Variants in ADGRB3 observed in about 807,000 individuals in gnomAD.
ADGRB3 encodes brain-specific angiogenesis inhibitor 3.
In ADGRB3, 37 loss-of-function variants were observed where a neutral mutation model predicts 193.4. The observed-to-expected ratio is 0.19, with a 90% CI of 0.15 to 0.25. The LOEUF (loss-of-function observed/expected upper bound fraction) is 0.25. Among genes scored for constraint, ADGRB3 ranks in the 10% least tolerant of loss-of-function variants. The pLI, the probability that ADGRB3 is intolerant of heterozygous loss-of-function variation, is 1.00. For missense variants in ADGRB3, 1,637 were observed against 1,852.9 expected, an observed-to-expected ratio of 0.88 and a Z score of 2.14; for synonymous variants, 690 against 644.2, an observed-to-expected ratio of 1.07 and a Z score of -1.08.
Position 68,815,638 on chromosome 6 carries a change from T to TGTGTGTGTGTGG in ADGRB3, c.758-114918_758-114917insTGTGTGTGGGTG, listed in dbSNP as rs146536913. Among the ~76,000 whole-genome samples the TGTGTGTGTGTGG allele has an allele frequency of 1.0e-3, 152 of 149,518 alleles. 1 individual carries two copies. The South Asian group carries it at 0.011, about 11-fold the overall frequency. Reference sequence around the variant, plus strand: ...GTGTGTGTGTGTGTGTGTGTGTGTGTGTGCATGTAGATCTCATTTGATGTA... The same window carrying TGTGTGTGTGTGG: ...GTGTGTGTGTGTGTGTGTGTGTGTGTGTGTGTGTGTGGGTGCATGTAGATCTCATTTGATGTA... On this transcript the variant is annotated intron_variant, in intron 3 of 31. Coordinates refer to ENST00000370598, the MANE Select transcript of ADGRB3 (RefSeq NM_001704.3).
intron 15 of ADGRB3, among the ~76,000 whole-genome samples, chr6:69,060,706 C>T (rs533919028): frequency 2.0e-5 from 3 of 152,024 alleles, no homozygotes; most frequent in South Asian, 4.1e-4. Flanking sequence ...TTTTGCAAAA[C>T]CAAACCAGAA....
intron 3 of ADGRB3, among the ~76,000 whole-genome samples, chr6:68,641,477 T>A (rs1439147724): frequency 2.0e-5 from 3 of 152,160 alleles, no homozygotes; most frequent in Non-Finnish European, 2.9e-5. Flanking sequence ...GAAAAAGAAA[T>A]ACCTTCACTG....
rs768667380 is a variant in ADGRB3 at position 68,993,828 on chromosome 6, A to T, written c.1795A>T (p.Thr599Ser). The T allele has an allele frequency of 6.8e-6, 11 of 1,613,914 alleles. No homozygotes were observed. The highest frequency in any genetic ancestry group is 3.3e-5 in the Admixed American group (2 of 60,008). The change falls in exon 11 of 32, where the codon ACC (threonine) becomes TCC (serine). Residue 599 changes from threonine (T) to serine (S), a missense_variant. Coordinates refer to ENST00000370598, the MANE Select transcript of ADGRB3 (RefSeq NM_001704.3). ...MLAGDGMSQVTKTLLDLTQRK... is the reference protein window; with the variant it reads ...MLAGDGMSQVSKTLLDLTQRK... ...GGCAGGTGATGGAATGTCCCAGGTG[A>T]CCAAGACACTGTTGGATTTAACTCA...
intron 3 of ADGRB3, among the ~76,000 whole-genome samples, chr6:68,739,415 A>C (rs1765934781): frequency 6.6e-6 from 1 of 152,192 alleles, no homozygotes; most frequent in Non-Finnish European, 1.5e-5. Flanking sequence ...AAAAATGATT[A>C]CATAGGAAAC....
chr6:69,171,099 G>T (rs1775260072), intron 17 of ADGRB3, among the ~76,000 whole-genome samples: 1 of 151,628 alleles, frequency 6.6e-6, no homozygotes, highest in South Asian at 2.1e-4. Context: ...ATTTTCACAT[G>T]TAATCAGTGT....
At chr6:69,108,159 CT>C (rs1773265600) in intron 17 of ADGRB3, among the ~76,000 whole-genome samples, 1 of 151,580 alleles carries the variant, frequency 6.6e-6, no homozygotes, top group African/African-American at 2.4e-5. Flanking sequence ...CAGTCTTTTT[CT>C]TTTAGGAGAG....
intron 13 of ADGRB3, among the ~76,000 whole-genome samples, chr6:69,029,947 CAT>C (rs145059462): frequency 4.9e-4 from 70 of 143,772 alleles, no homozygotes; most frequent in Admixed American, 7.8e-4. Context: ...AGCCAACAAA[CAT>C]ATATATATAT....
chr6:69,104,854 A>G (rs146298265), intron 17 of ADGRB3, among the ~76,000 whole-genome samples: 139 of 152,304 alleles, frequency 9.1e-4, no homozygotes, highest in African/African-American at 3.2e-3. Flanking sequence ...ACATATGTGT[A>G]TTATGTTTTA....
chr6:69,087,521 A>C (rs1772585073), intron 17 of ADGRB3, among the ~76,000 whole-genome samples: 2 of 152,154 alleles, frequency 1.3e-5, no homozygotes, highest in Non-Finnish European at 2.9e-5. Context: ...CACTTCTGAC[A>C]TATCAAGAAA....
intron 20 of ADGRB3, among the ~76,000 whole-genome samples, chr6:69,298,282 T>C (rs1767872792): frequency 6.6e-6 from 1 of 152,010 alleles, no homozygotes; most frequent in Non-Finnish European, 1.5e-5. Flanking sequence ...TGCTAACTGA[T>C]AGACTCAGGC....
chr6:68,741,279 C>T (rs765588898), intron 3 of ADGRB3, among the ~76,000 whole-genome samples: 48 of 152,216 alleles, frequency 3.2e-4, no homozygotes, highest in Non-Finnish European at 6.3e-4. Flanking sequence ...AACTAAGGCA[C>T]CCGGAGATAA....
intron 20 of ADGRB3, among the ~76,000 whole-genome samples, chr6:69,257,263 G>A (rs1174022090): frequency 1.3e-5 from 2 of 152,266 alleles, no homozygotes; most frequent in Non-Finnish European, 1.5e-5. Flanking sequence ...GATTGGAATA[G>A]TTTCAGAAGG....
chr6:69,249,141 C>A (rs1766564223), intron 20 of ADGRB3, among the ~76,000 whole-genome samples: 1 of 152,116 alleles, frequency 6.6e-6, no homozygotes, highest in African/African-American at 2.4e-5. Flanking sequence ...CCATGCCCGG[C>A]TAATTATTGT....
At chr6:69,160,858 A>G (rs1388569648) in intron 17 of ADGRB3, among the ~76,000 whole-genome samples, 3 of 152,166 alleles carry the variant, frequency 2.0e-5, no homozygotes, top group Non-Finnish European at 4.4e-5. Flanking sequence ...GTTTCATGAA[A>G]GAGACCAAGA....
chr6:68,795,390 A>C (rs1204808803), intron 3 of ADGRB3, among the ~76,000 whole-genome samples: 1 of 152,170 alleles, frequency 6.6e-6, no homozygotes, highest in African/African-American at 2.4e-5. Flanking sequence ...AAAGCACAGA[A>C]ATCTCAGACA....
At chr6:69,055,663 T>C (rs1027233608) in intron 15 of ADGRB3, among the ~76,000 whole-genome samples, 3 of 152,134 alleles carry the variant, frequency 2.0e-5, no homozygotes, top group African/African-American at 7.2e-5. Flanking sequence ...AGAAGAGAGA[T>C]CATTGGATTA....
chr6:68,939,639 G>A (rs952827274), intron 5 of ADGRB3, among the ~76,000 whole-genome samples: 1 of 151,996 alleles, frequency 6.6e-6, no homozygotes, highest in East Asian at 1.9e-4. Flanking sequence ...ATCTGGTTAT[G>A]GTATTTGTTA....
chr6:69,134,952 A>G (rs991548686), intron 17 of ADGRB3, among the ~76,000 whole-genome samples: 2 of 152,006 alleles, frequency 1.3e-5, no homozygotes, highest in Non-Finnish European at 2.9e-5. Context: ...TCTAAATATA[A>G]GTGTCATTTG....
At chr6:69,224,437 T>C (rs1765966431) in intron 17 of ADGRB3, among the ~76,000 whole-genome samples, 1 of 152,182 alleles carries the variant, frequency 6.6e-6, no homozygotes, top group African/African-American at 2.4e-5. Flanking sequence ...AATTGGTTCC[T>C]AGCCCAGACC....
Sources: gnomAD v4.1 joint callset for allele counts (sites outside exome capture counted in the v4.1 genomes callset) on GRCh38, gnomAD v4.1.1 for gene constraint, MANE v1.5 for transcripts, NCBI Gene and HGNC (gene_info 2026-07-23, HGNC 2026-07-21) for gene names.